The following BAZ1B variants were observed in gnomAD, a reference collection of about 807,000 sequenced individuals.
BAZ1B encodes bromodomain adjacent to zinc finger domain 1B.
Under a neutral mutation model 153.8 loss-of-function variants are expected in BAZ1B, and 22 were observed. That is an observed-to-expected ratio of 0.14 (90% confidence interval 0.10 to 0.20). The LOEUF is 0.20. Among genes scored for constraint, BAZ1B ranks in the 10% least tolerant of loss-of-function variants. BAZ1B has a pLI of 1.00. For missense variants in BAZ1B, 1,325 were observed against 1,799.3 expected, an observed-to-expected ratio of 0.74 and a Z score of 4.77; for synonymous variants, 676 against 633.4, an observed-to-expected ratio of 1.07 and a Z score of -1.01.
rs1273080607 is a variant in BAZ1B at position 73,442,158 on chromosome 7, TCCC to T, written c.*15+20_*15+22del. 2.2e-6 allele frequency: 1 copy of T among 456,506 alleles called. No individual in the cohort carries two copies. Among genetic ancestry groups the T allele is most frequent in the Non-Finnish European group, 4.2e-6 (1 of 240,270 alleles). 28.3% of individuals were successfully genotyped at this position (456,506 alleles called of 1,614,324 possible). Reference sequence around the variant, plus strand: ...GCCTCCCTCCCACCCTCCCTAGCTGTCCCCCCACCTCAGCTCCCTTACCACGGC... The same window carrying T: ...GCCTCCCTCCCACCCTCCCTAGCTGTCCCACCTCAGCTCCCTTACCACGGC... On this transcript the variant is annotated intron_variant, in intron 19 of 19. Transcript: ENST00000339594.
intron 7 of BAZ1B, among the ~76,000 whole-genome samples, chr7:73,475,089 G>A (rs1345609606): frequency 6.6e-6 from 1 of 152,136 alleles, no homozygotes. Context: ...GTATTGATGA[G>A]GAAGGAGAAA....
chr7:73,497,980 T>C (rs1440066220), intron 4 of BAZ1B, among the ~76,000 whole-genome samples: 1 of 151,956 alleles, frequency 6.6e-6, no homozygotes, highest in Non-Finnish European at 1.5e-5. Flanking sequence ...AGTTTTGTTT[T>C]TGTGGCCCTG....
chr7:73,476,351 T>TG (rs1788999792), intron 7 of BAZ1B, among the ~76,000 whole-genome samples: 1 of 152,206 alleles, frequency 6.6e-6, no homozygotes, highest in Non-Finnish European at 1.5e-5. Context: ...TCAGATTCGA[T>TG]GGAGCCATCA....
chr7:73,503,110 C>T (rs1790201910), intron 3 of BAZ1B, among the ~76,000 whole-genome samples: 1 of 152,112 alleles, frequency 6.6e-6, no homozygotes, highest in Admixed American at 6.6e-5. Flanking sequence ...AGGGTAAATA[C>T]TCAAGCAAAA....
At chr7:73,482,027 A>G (rs1789222380) in intron 6 of BAZ1B, among the ~76,000 whole-genome samples, 1 of 152,232 alleles carries the variant, frequency 6.6e-6, no homozygotes, top group Admixed American at 6.5e-5. Flanking sequence ...AGAAAGAGCG[A>G]GACTCTGTCT....
At position 73,442,788 on chromosome 7, in the gene BAZ1B, TCCAGGCTTTG is replaced by T; in HGVS notation, c.4021_4030del (p.Gln1341SerfsTer13). On this transcript the variant is annotated frameshift_variant, in exon 18 of 20. Coordinates refer to ENST00000339594, the MANE Select transcript of BAZ1B (RefSeq NM_032408.4). LOFTEE classifies it high-confidence loss of function. ...GAGGATCTCTTCACACTTCTGCAGCTCCAGGCTTTGCCTCCGGGAGCTCCGCTTGGTCTGA... is the reference window on the plus strand; with the variant it reads ...GAGGATCTCTTCACACTTCTGCAGCTCCTCCGGGAGCTCCGCTTGGTCTGA... 6.2e-7 allele frequency: 1 copy of T among 1,614,156 alleles called. No individual in the cohort carries two copies. The highest frequency in any genetic ancestry group is 1.1e-5 in the South Asian group (1 of 91,082).
rs573612984 is a variant in BAZ1B, at chr7:73,487,837, T to C, written c.891+1357A>G. Among the ~76,000 whole-genome samples the C allele has an allele frequency of 1.8e-4, 27 of 152,342 alleles. No individual in the cohort carries two copies. In the South Asian group the frequency reaches 5.4e-3, roughly 30 times the overall value. ...GAAAAAGCCAATTACTTTCTAAATT[T>C]TTCCTTTTAAGCAAATAATAATAAT... On this transcript the variant is annotated intron_variant, in intron 6 of 19. Coordinates refer to ENST00000339594, the MANE Select transcript of BAZ1B (RefSeq NM_032408.4).
chr7:73,492,864 C>CTTTCTCCTT lies in BAZ1B; in HGVS notation c.620_628dup (p.Lys207_Glu209dup). The stretch of plus-strand genomic sequence containing the variant: ...CAGAAATTTTGGAGGAGCCCATTTC[C>CTTTCTCCTT]TTTCTCCTTTTTTTAATGAAGTAGG... On this transcript the variant is annotated inframe_insertion, in exon 5 of 20. Coordinates refer to ENST00000339594, the MANE Select transcript of BAZ1B (RefSeq NM_032408.4). 1 of 1,610,264 alleles carries CTTTCTCCTT rather than the reference C, an allele frequency of 6.2e-7. No individual in the cohort carries two copies.
chr7:73,506,147 T>C (rs1790328885), intron 3 of BAZ1B, among the ~76,000 whole-genome samples: 1 of 152,190 alleles, frequency 6.6e-6, no homozygotes, highest in Non-Finnish European at 1.5e-5. Context: ...GGGATTGCTT[T>C]AGTGTTCGGT....
At chr7:73,496,127 T>C (rs956122883) in intron 4 of BAZ1B, among the ~76,000 whole-genome samples, 6 of 152,278 alleles carry the variant, frequency 3.9e-5, no homozygotes, top group South Asian at 2.1e-4. Context: ...TTCAGGAATA[T>C]AGAGGCAGAA....
At chr7:73,481,246 G>T (rs1369292115) in intron 6 of BAZ1B, among the ~76,000 whole-genome samples, 9 of 152,018 alleles carry the variant, frequency 5.9e-5, no homozygotes, top group African/African-American at 2.2e-4. Flanking sequence ...AAACATTAGG[G>T]GCTGGGCGTG....
At chr7:73,521,752 C>T in intron 1 of BAZ1B, 75 bp downstream of exon 1, 2 of 1,294,304 alleles carry the variant, frequency 1.5e-6, no homozygotes, top group South Asian at 2.8e-5. Context: ...GCGCGGCTGA[C>T]CTGGTCTCGC....
chr7:73,455,436 T>C (rs1413475018), intron 13 of BAZ1B, among the ~76,000 whole-genome samples: 9 of 152,224 alleles, frequency 5.9e-5, no homozygotes, highest in African/African-American at 1.4e-4. Context: ...AAAATGGAGC[T>C]GCTAGTTATT....
chr7:73,463,090 G>A lies in BAZ1B; in HGVS notation c.3081C>T (p.Asp1027=), dbSNP rs1788452994. The A allele has an allele frequency of 6.2e-7, 1 of 1,608,026 alleles. No individual in the cohort carries two copies. Among genetic ancestry groups the A allele is most frequent in the Non-Finnish European group, 8.5e-7 (1 of 1,178,028 alleles). The change falls in exon 12 of 20, where the codon GAC becomes GAT. Residue 1027 remains aspartate, a synonymous_variant. Transcript: ENST00000339594. ...LKERLEKRYQ[D]IIHSIHLARK... Reference sequence around the variant, plus strand: ...GTGCTAGATGAATAGAGTGAATAATGTCCTGGTACCTAGAAGATTTGGGAC... The same window carrying A: ...GTGCTAGATGAATAGAGTGAATAATATCCTGGTACCTAGAAGATTTGGGAC...
chr7:73,462,740 A>G (rs781847786), intron 12 of BAZ1B, 182 bp downstream of exon 12: 39 of 652,674 alleles, frequency 6.0e-5, no homozygotes, highest in Non-Finnish European at 9.5e-5. Context: ...GATAGCAGCA[A>G]AAGATAACAA....
intron 5 of BAZ1B, among the ~76,000 whole-genome samples, chr7:73,490,114 T>C (rs1249148112): frequency 6.6e-6 from 1 of 152,158 alleles, no homozygotes; most frequent in Non-Finnish European, 1.5e-5. Flanking sequence ...ATCAGAATCA[T>C]CTAGGGTACT....
intron 13 of BAZ1B, among the ~76,000 whole-genome samples, chr7:73,458,570 G>A (rs1788280800): frequency 6.6e-6 from 1 of 151,826 alleles, no homozygotes; most frequent in African/African-American, 2.4e-5. Context: ...CAGCTACTTG[G>A]GAGGCTGAGG....
chr7:73,497,608 TC>T (rs1469925488), intron 4 of BAZ1B, among the ~76,000 whole-genome samples: 1 of 152,020 alleles, frequency 6.6e-6, no homozygotes, highest in African/African-American at 2.4e-5. Context: ...GTTACTCAGT[TC>T]GTCTCTGAGT....
Position 73,489,277 on chromosome 7 carries a change from C to T in BAZ1B, c.808G>A (p.Ala270Thr), listed in dbSNP as rs907257765. The stretch of plus-strand genomic sequence containing the variant: ...AATTCATCTTCTACGACCCAAGGTG[C>T]ATTTTCACCAGTACCAGCTCGTAAT... Reference protein sequence around the residue: ...NALRAGTGENAPWVVEDELVK... With the variant: ...NALRAGTGENTPWVVEDELVK... Residue 270 changes from alanine to threonine, a missense_variant, in exon 6 of 20, where the codon GCA becomes ACA. Transcript: ENST00000339594. 7.4e-6 allele frequency: 12 copies of T among 1,614,072 alleles called. No homozygotes were observed. The highest frequency in any genetic ancestry group is 1.0e-5 in the Non-Finnish European group (12 of 1,180,046).
Sources: gnomAD v4.1 joint callset for allele counts (sites outside exome capture counted in the v4.1 genomes callset) on GRCh38, gnomAD v4.1.1 for gene constraint, MANE v1.5 for transcripts, NCBI Gene and HGNC (gene_info 2026-07-23, HGNC 2026-07-21) for gene names.